Variants in NAB1 observed in about 807,000 individuals in gnomAD.
The protein encoded by NAB1 is NGFI-A-binding protein 1.
In NAB1, 25 loss-of-function variants were observed where a neutral mutation model predicts 49.9. The ratio of observed to expected loss-of-function variants is 0.50; its 90% CI spans 0.37 to 0.70. The LOEUF (loss-of-function observed/expected upper bound fraction) is 0.70, where lower values mean the gene tolerates loss of function less well. NAB1 is among the 30% of genes least tolerant of loss of function. NAB1 has a pLI of 0.00. For missense variants in NAB1, 489 were observed against 575.9 expected, an observed-to-expected ratio of 0.85 and a Z score of 1.54; for synonymous variants, 198 against 215.6, an observed-to-expected ratio of 0.92 and a Z score of 0.71.
chr2:190,658,660 A>AT (rs1382618092), intron 3 of NAB1, among the ~76,000 whole-genome samples: 3 of 152,016 alleles, frequency 2.0e-5, no homozygotes, highest in Admixed American at 1.3e-4. Context: ...CATCTTGCTC[A>AT]TTTTTTCTCT....
In NAB1 at chr2:190,649,326, G is replaced by T. The variant is rs1217631576; in HGVS notation, c.-368G>T. 6.6e-6 allele frequency: 1 copy of T among 152,276 alleles called. No homozygotes were observed. Among genetic ancestry groups the T allele is most frequent in the African/African-American group, 2.4e-5 (1 of 41,440 alleles). 9.4% of individuals were successfully genotyped at this position (152,276 alleles called of 1,614,324 possible). ...GAGTTGGGGCTGAGCAGTCCTCGGG[G>T]AGAGCGCGCCAAGACCGCTGCAGCC... On this transcript the variant is annotated 5_prime_UTR_variant, in exon 1 of 10. Transcript: ENST00000337386. The surrounding 1 kb of genome is among the most constrained non-coding windows in gnomAD (Gnocchi z 6.1).
chr2:190,682,049 G>A lies in NAB1; in HGVS notation c.1006-1689G>A, dbSNP rs932071724. Reference sequence around the variant, plus strand: ...AAAGTTACTAAAACCATGCTGTCATGATATTTTGTAGTTATAATGATCATG... The same window carrying A: ...AAAGTTACTAAAACCATGCTGTCATAATATTTTGTAGTTATAATGATCATG... On this transcript the variant is annotated intron_variant, in intron 6 of 9. Coordinates refer to ENST00000337386, the MANE Select transcript of NAB1 (RefSeq NM_005966.4). This position sits in a 1 kb window ranked among gnomAD's most constrained non-coding sequence, Gnocchi z 4.1. Among the ~76,000 whole-genome samples, 1 of 152,090 alleles carries A rather than the reference G, an allele frequency of 6.6e-6. No individual in the cohort carries two copies. Among genetic ancestry groups the A allele is most frequent in the Non-Finnish European group, 1.5e-5 (1 of 68,010 alleles).
chr2:190,683,797 G>T lies in NAB1; in HGVS notation c.1065G>T (p.Lys355Asn). 6.2e-7 allele frequency: 1 copy of T among 1,613,690 alleles called. No individual in the cohort carries two copies. ...CACTCTTCCAGCAGGCTAGAGCTAAGAGTGAAGAACTTGCAGCTCTTAGTT... is the reference window on the plus strand; with the variant it reads ...CACTCTTCCAGCAGGCTAGAGCTAATAGTGAAGAACTTGCAGCTCTTAGTT... ...VQTLFQQARA[K>N]SEELAALSSQ... is the part of the protein sequence containing the mutation. Residue 355 changes from lysine to asparagine, a missense_variant, in exon 7 of 10, where the codon AAG (lysine) becomes AAT (asparagine). Physicochemically the swap from Lys to Asn is moderately conservative, Grantham distance 94 (BLOSUM62 0). Transcript: ENST00000337386.
At chr2:190,671,190 G>A (rs1177810114) in intron 5 of NAB1, among the ~76,000 whole-genome samples, 1 of 152,116 alleles carries the variant, frequency 6.6e-6, no homozygotes, top group African/African-American at 2.4e-5. Flanking sequence ...GTAACTCTAA[G>A]TTTTTGTTGA....
rs1695888716 is a variant in NAB1, at chr2:190,690,235, T to G, written c.1376-10T>G. 1 of 1,592,938 alleles carries G rather than the reference T, an allele frequency of 6.3e-7. No individual in the cohort carries two copies. Among genetic ancestry groups the G allele is most frequent in the East Asian group, 2.2e-5 (1 of 44,680 alleles). On this transcript the variant is annotated splice_polypyrimidine_tract_variant and intron_variant, in intron 9 of 9. Coordinates refer to ENST00000337386, the MANE Select transcript of NAB1 (RefSeq NM_005966.4). ...AAATATCAACTCACTTTGTTTCCAT[T>G]TTTATGTAGAGAGCCTTGGGATTTT...
chr2:190,690,167 GTTTGTTTTAAAACTTTGTTTGA>G, intron 9 of NAB1, 56 bp from the exon 10 acceptor site: 1 of 1,017,800 alleles, frequency 9.8e-7, no homozygotes, highest in Non-Finnish European at 1.5e-6. Context: ...GAGTTTGGGG[GTTTGTTTTAAAACTTTGTTTGA>G]TTTTTGTAGT....
chr2:190,682,921 C>A lies in NAB1; in HGVS notation c.1006-817C>A, dbSNP rs564138084. Among the ~76,000 whole-genome samples, 1 of 152,138 alleles carries A rather than the reference C, an allele frequency of 6.6e-6. No individual in the cohort carries two copies. The highest frequency in any genetic ancestry group is 6.5e-5 in the Admixed American group (1 of 15,274). ...CAAAAATATCATCTCTGCAGTAATT[C>A]TGCTTCTGGGAATCTTTTGTAGTAG... is the stretch of plus-strand genomic sequence containing the variant. On this transcript the variant is annotated intron_variant, in intron 6 of 9. Transcript: ENST00000337386. This position sits in a 1 kb window ranked among gnomAD's most constrained non-coding sequence, Gnocchi z 4.1.
rs1478785002 is a variant in NAB1 at position 190,649,151 on chromosome 2, G to A, written c.-543G>A. ...CCGCCGCGGCCAAGCGAGCGCCGTC[G>A]GGGCGGGTGGGCGGGAAGAAGCGGC... On this transcript the variant is annotated 5_prime_UTR_variant, in exon 1 of 10. Transcript: ENST00000337386. The surrounding 1 kb of genome is among the most constrained non-coding windows in gnomAD (Gnocchi z 6.1). 6.7e-6 allele frequency: 1 copy of A among 149,166 alleles called. No individual in the cohort carries two copies. The highest frequency in any genetic ancestry group is 1.5e-5 in the Non-Finnish European group (1 of 66,394). The allele number at this position is 149,166 out of a possible 1,614,324, so 9.2% of individuals were successfully genotyped here. A position where few individuals can be genotyped will look rare whatever the true frequency, so the allele number is the denominator to read the frequency against.
At chr2:190,661,197 C>T (rs1387449187) in intron 4 of NAB1, among the ~76,000 whole-genome samples, 2 of 152,128 alleles carry the variant, frequency 1.3e-5, no homozygotes, top group Non-Finnish European at 2.9e-5. Context: ...TCCCAAAGTG[C>T]TGGAATTACA....
intron 4 of NAB1, among the ~76,000 whole-genome samples, chr2:190,660,775 CT>C (rs1694182339): frequency 6.6e-6 from 1 of 152,128 alleles, no homozygotes; most frequent in African/African-American, 2.4e-5. Context: ...ACTTTAACTT[CT>C]TATTGTACTT....
At chr2:190,658,624 A>G (rs1694054851) in intron 3 of NAB1, among the ~76,000 whole-genome samples, 1 of 152,172 alleles carries the variant, frequency 6.6e-6, no homozygotes, top group Non-Finnish European at 1.5e-5. Context: ...TCATACTGAA[A>G]TCTATCTTCC....
Position 190,654,674 on chromosome 2 carries a change from G to A in NAB1, c.-196-1303G>A, listed in dbSNP as rs1460324769. Among the ~76,000 whole-genome samples, 7 of 152,114 alleles carry A rather than the reference G, an allele frequency of 4.6e-5. No individual in the cohort carries two copies. The highest frequency in any genetic ancestry group is 1.7e-4 in the African/African-American group (7 of 41,402). On this transcript the variant is annotated intron_variant, in intron 2 of 9. Coordinates refer to ENST00000337386, the MANE Select transcript of NAB1 (RefSeq NM_005966.4). The surrounding 1 kb of genome is among the most constrained non-coding windows in gnomAD (Gnocchi z 5.6). ...TTTCTCTGCACTGGTGGAGAAGTTC[G>A]CAAATCTGTAAACTTGGCATTGCAG...
intron 8 of NAB1, 54 bp from the exon 9 acceptor site, chr2:190,687,146 GA>G: frequency 8.5e-7 from 1 of 1,180,346 alleles, no homozygotes; most frequent in Non-Finnish European, 1.2e-6. Context: ...TTATTTTTAA[GA>G]AAAACCATGG....
rs1170939485 is a variant in NAB1 at position 190,689,895 on chromosome 2, T to C, written c.1376-350T>C. 6.7e-6 allele frequency among the ~76,000 whole-genome samples: 1 copy of C among 150,260 alleles called. No individual in the cohort carries two copies. Among genetic ancestry groups the C allele is most frequent in the Non-Finnish European group, 1.5e-5 (1 of 67,396 alleles). Reference sequence around the variant, plus strand: ...TTAATATATTCTATATGCTAAATGTTTTATGTGCATTTCATTATTTAACTT... The same window carrying C: ...TTAATATATTCTATATGCTAAATGTCTTATGTGCATTTCATTATTTAACTT... On this transcript the variant is annotated intron_variant, in intron 9 of 9. Transcript: ENST00000337386. The surrounding 1 kb of genome is among the most constrained non-coding windows in gnomAD (Gnocchi z 4.3).
At position 190,689,235 on chromosome 2, in the gene NAB1, C is replaced by T. The variant is rs568115713; in HGVS notation, c.1376-1010C>T. ...TGACTGAGTGACCCTGACTGAGTTA[C>T]TTAAGTACTCGTCCTTCAGTTGCTT... is the stretch of plus-strand genomic sequence containing the variant. On this transcript the variant is annotated intron_variant, in intron 9 of 9. Coordinates refer to ENST00000337386, the MANE Select transcript of NAB1 (RefSeq NM_005966.4). The surrounding 1 kb of genome is among the most constrained non-coding windows in gnomAD (Gnocchi z 4.3). Among the ~76,000 whole-genome samples, 1 of 152,242 alleles carries T rather than the reference C, an allele frequency of 6.6e-6. No homozygotes were observed. The highest frequency in any genetic ancestry group is 2.1e-4 in the South Asian group (1 of 4,822).
rs1304102491 is a variant in NAB1, at chr2:190,685,848, T to G, written c.1258+210T>G. Among the ~76,000 whole-genome samples the G allele has an allele frequency of 3.9e-5, 6 of 152,234 alleles. No individual in the cohort carries two copies. Among genetic ancestry groups the G allele is most frequent in the Non-Finnish European group, 8.8e-5 (6 of 68,044 alleles). On this transcript the variant is annotated intron_variant, in intron 8 of 9. Transcript: ENST00000337386. The surrounding 1 kb of genome is among the most constrained non-coding windows in gnomAD (Gnocchi z 4.5). ...TGTAAATTTTTTAATCTTTAAGCAG[T>G]TGGCACCTGAGATTGACATGTATTA...
In NAB1 at chr2:190,685,878, G is replaced by A. The variant is rs561103629; in HGVS notation, c.1258+240G>A. Among the ~76,000 whole-genome samples, 1 of 152,266 alleles carries A rather than the reference G, an allele frequency of 6.6e-6. No individual in the cohort carries two copies. Among genetic ancestry groups the A allele is most frequent in the Admixed American group, 6.5e-5 (1 of 15,286 alleles). On this transcript the variant is annotated intron_variant, in intron 8 of 9. Coordinates refer to ENST00000337386, the MANE Select transcript of NAB1 (RefSeq NM_005966.4). This position sits in a 1 kb window ranked among gnomAD's most constrained non-coding sequence, Gnocchi z 4.5. ...ACCTGAGATTGACATGTATTATTTT[G>A]TAGGGGTTGGTGGGAATGTGAGATG...
rs1056133800 is a variant in NAB1, at chr2:190,657,472, T to A, written c.-20+1319T>A. ...AATCATGGAAGTCTCCTGAGATGCA[T>A]CTCAGGCACCTGGGAAACTGTATTT... On this transcript the variant is annotated intron_variant, in intron 3 of 9. Transcript: ENST00000337386. This position sits in a 1 kb window ranked among gnomAD's most constrained non-coding sequence, Gnocchi z 4.4. 6.6e-6 allele frequency among the ~76,000 whole-genome samples: 1 copy of A among 152,174 alleles called. No homozygotes were observed. Among genetic ancestry groups the A allele is most frequent in the Non-Finnish European group, 1.5e-5 (1 of 68,026 alleles).
chr2:190,658,328 G>A (rs1219959084), intron 3 of NAB1, among the ~76,000 whole-genome samples: 1 of 152,160 alleles, frequency 6.6e-6, no homozygotes, highest in African/African-American at 2.4e-5. Flanking sequence ...CGAGTGCCAT[G>A]TGTTTGAAAG....
Sources: gnomAD v4.1 joint callset for allele counts (sites outside exome capture counted in the v4.1 genomes callset) on GRCh38, gnomAD v4.1.1 for gene constraint, Gnocchi (gnomAD v3.1) non-coding constraint, MANE v1.5 for transcripts, NCBI Gene and HGNC (gene_info 2026-07-23, HGNC 2026-07-21) for gene names.